The following LDLRAD4 variants were observed in gnomAD, a reference collection of about 807,000 sequenced individuals.
The protein encoded by LDLRAD4 is low density lipoprotein receptor class A domain containing 4.
In LDLRAD4, 5 loss-of-function variants were observed where a neutral mutation model predicts 17.0. The ratio of observed to expected loss-of-function variants is 0.29; its 90% CI spans 0.15 to 0.62. The LOEUF (loss-of-function observed/expected upper bound fraction) is 0.62, where lower values mean the gene tolerates loss of function less well. LDLRAD4 is among the 20% of genes least tolerant of loss of function. LDLRAD4 has a pLI of 0.84. For missense variants in LDLRAD4, 340 were observed against 424.7 expected, an observed-to-expected ratio of 0.80 and a Z score of 1.75; for synonymous variants, 168 against 171.8, an observed-to-expected ratio of 0.98 and a Z score of 0.17.
intron 4 of LDLRAD4, among the ~76,000 whole-genome samples, chr18:13,627,008 G>A (rs1012582818): frequency 2.6e-5 from 4 of 152,240 alleles, no homozygotes; most frequent in Non-Finnish European, 4.4e-5. Flanking sequence ...GGTGGCTCAC[G>A]CCTATAATCT....
chr18:13,250,486 A>T (rs2043177099), intron 1 of LDLRAD4, among the ~76,000 whole-genome samples: 1 of 152,210 alleles, frequency 6.6e-6, no homozygotes, highest in African/African-American at 2.4e-5. Context: ...ACAAACCATT[A>T]ACTAGACTAA....
chr18:13,355,809 A>AT (rs1338536746), intron 1 of LDLRAD4, among the ~76,000 whole-genome samples: 4 of 152,102 alleles, frequency 2.6e-5, no homozygotes, highest in Non-Finnish European at 4.4e-5. Flanking sequence ...TTAAAAAAAA[A>AT]TTATAGAGAC....
chr18:13,504,812 C>A (rs1456889263), intron 3 of LDLRAD4, among the ~76,000 whole-genome samples: 1 of 152,236 alleles, frequency 6.6e-6, no homozygotes, highest in Non-Finnish European at 1.5e-5. Context: ...TGGTTGATAA[C>A]CCTGTGCCGC....
Position 13,300,726 on chromosome 18 carries a change from G to C in LDLRAD4, c.-383+22538G>C, listed in dbSNP as rs989252605. 6.6e-5 allele frequency among the ~76,000 whole-genome samples: 10 copies of C among 152,366 alleles called. No homozygotes were observed. The East Asian group carries it at 1.9e-3, about 29-fold the overall frequency. On this transcript the variant is annotated intron_variant, in intron 1 of 5. Coordinates refer to ENST00000359446, the Ensembl canonical transcript of LDLRAD4. This position sits in a 1 kb window ranked among gnomAD's most constrained non-coding sequence, Gnocchi z 4.2. ...ACTAAGAAGTGTCAGAGTGGGCAGA[G>C]GGAATGCATTGGGTTGTATTTCAGT...
chr18:13,259,775 C>T (rs4796974), intron 1 of LDLRAD4, among the ~76,000 whole-genome samples: 62,585 of 151,580 alleles, frequency 0.41, 13,389 homozygotes, highest in Admixed American at 0.56. Flanking sequence ...CAGCCACCCA[C>T]GGCTGCTTTG....
chr18:13,344,402 G>A (rs961095087), intron 1 of LDLRAD4, among the ~76,000 whole-genome samples: 4 of 152,154 alleles, frequency 2.6e-5, no homozygotes, highest in Non-Finnish European at 4.4e-5. Flanking sequence ...TAGATGCGTG[G>A]CATTATTTCT....
At chr18:13,504,728 G>A (rs1255977591) in intron 3 of LDLRAD4, among the ~76,000 whole-genome samples, 3 of 152,136 alleles carry the variant, frequency 2.0e-5, no homozygotes, top group Non-Finnish European at 2.9e-5. Flanking sequence ...CACCCCACTT[G>A]GCCATTCTGT....
chr18:13,590,359 G>A (rs1193827857), intron 3 of LDLRAD4, among the ~76,000 whole-genome samples: 5 of 152,022 alleles, frequency 3.3e-5, no homozygotes, highest in Admixed American at 6.6e-5. Flanking sequence ...GTGCGTGTGC[G>A]TGTATGTGCA....
chr18:13,631,233 G>T lies in LDLRAD4; in HGVS notation c.336+9962G>T, dbSNP rs143764698. Among the ~76,000 whole-genome samples, 110 of 152,252 alleles carry T rather than the reference G, an allele frequency of 7.2e-4. No individual in the cohort carries two copies. In the East Asian group the frequency reaches 0.012, roughly 17 times the overall value. On this transcript the variant is annotated intron_variant, in intron 4 of 5. Transcript: ENST00000359446. ...GAAAAGGATTATAAAATAGTGCTAC[G>T]AACAATTGTATGCAAACCAATTGGA...
intron 3 of LDLRAD4, among the ~76,000 whole-genome samples, chr18:13,551,365 A>C (rs2094433066): frequency 6.6e-6 from 1 of 152,102 alleles, no homozygotes. Context: ...TTTTGTTTTT[A>C]GTCTGTGCAC....
chr18:13,409,808 G>C (rs986468678), intron 2 of LDLRAD4, among the ~76,000 whole-genome samples: 2 of 152,188 alleles, frequency 1.3e-5, no homozygotes, highest in Non-Finnish European at 2.9e-5. Flanking sequence ...GATACTGGGT[G>C]CTGAAATTAG....
rs760867795 is a variant in LDLRAD4 at position 13,645,634 on chromosome 18, A to G, written c.898A>G (p.Arg300Gly). The G allele has an allele frequency of 6.6e-7, 1 of 1,516,214 alleles. No homozygotes were observed. The highest frequency in any genetic ancestry group is 8.8e-7 in the Non-Finnish European group (1 of 1,132,650). 93.9% of individuals were successfully genotyped at this position (1,516,214 alleles called of 1,614,324 possible). A position where few individuals can be genotyped will look rare whatever the true frequency, so the allele number is the denominator to read the frequency against. ...AATAGTACCCATCAAAGGCAAAGAT[A>G]GGAAGCCTGGGAACCTGGTCTGATT... The change falls in exon 6 of 6, where the codon AGG becomes GGG. Residue 300 changes from arginine (R) to glycine (G), a missense_variant. By Grantham distance (125) the Arg-to-Gly change is moderately radical. Coordinates refer to ENST00000359446, the Ensembl canonical transcript of LDLRAD4. This position sits in a 1 kb window ranked among gnomAD's most constrained non-coding sequence, Gnocchi z 5.7.
chr18:13,463,357 G>A (rs184205687), intron 3 of LDLRAD4, among the ~76,000 whole-genome samples: 8 of 152,280 alleles, frequency 5.3e-5, no homozygotes, highest in Non-Finnish European at 1.0e-4. Flanking sequence ...CCCTGAGCCT[G>A]GGGTTCAGAA....
chr18:13,442,732 G>T (rs1179328015), intron 3 of LDLRAD4, among the ~76,000 whole-genome samples: 2 of 152,298 alleles, frequency 1.3e-5, no homozygotes, highest in African/African-American at 2.4e-5. Context: ...ACATCTTAGT[G>T]GGGGACAGCA....
At chr18:13,540,222 G>A (rs1277177691) in intron 3 of LDLRAD4, among the ~76,000 whole-genome samples, 1 of 152,190 alleles carries the variant, frequency 6.6e-6, no homozygotes, top group Non-Finnish European at 1.5e-5. Flanking sequence ...AAAAAAACTA[G>A]CAAAAGATAT....
Position 13,335,117 on chromosome 18 carries a change from A to T in LDLRAD4, c.-382-52224A>T, listed in dbSNP as rs1044845140. Among the ~76,000 whole-genome samples, 5 of 151,838 alleles carry T rather than the reference A, an allele frequency of 3.3e-5. No homozygotes were observed. In the East Asian group the frequency reaches 5.8e-4, roughly 18 times the overall value. On this transcript the variant is annotated intron_variant, in intron 1 of 5. Coordinates refer to ENST00000359446, the Ensembl canonical transcript of LDLRAD4. ...TTTATAGTTTTTAAAGTGGTTTCTTATTGGGCCTATTTTAAGTTGGTAAGT... is the reference window on the plus strand; with the variant it reads ...TTTATAGTTTTTAAAGTGGTTTCTTTTTGGGCCTATTTTAAGTTGGTAAGT...
intron 2 of LDLRAD4, among the ~76,000 whole-genome samples, chr18:13,423,137 ACT>A (rs2089633998): frequency 1.3e-5 from 2 of 151,814 alleles, no homozygotes; most frequent in South Asian, 2.1e-4. Context: ...CTTCTAGAAA[ACT>A]CTGAACATTT....
At chr18:13,417,435 C>CTT (rs58522143) in intron 2 of LDLRAD4, among the ~76,000 whole-genome samples, 2,938 of 139,330 alleles carry the variant, frequency 0.021, 73 homozygotes, top group Admixed American at 0.062. Flanking sequence ...TGCTGTTTTT[C>CTT]TTTTTTTTTT....
chr18:13,330,652 C>T (rs1485417835), intron 1 of LDLRAD4, among the ~76,000 whole-genome samples: 2 of 152,212 alleles, frequency 1.3e-5, no homozygotes, highest in East Asian at 1.9e-4. Context: ...CTTTTCCTGA[C>T]ATACAACTCT....
Sources: allele counts gnomAD v4.1 joint callset (sites outside exome capture counted in the v4.1 genomes callset), GRCh38; gene constraint gnomAD v4.1.1; non-coding constraint Gnocchi (gnomAD v3.1); transcripts MANE v1.5; gene names NCBI Gene and HGNC (gene_info 2026-07-23, HGNC 2026-07-21).